Variants in SEC24A observed in about 807,000 individuals in gnomAD.
The protein encoded by SEC24A is SEC24 homolog A, COPII component, also known as protein transport protein Sec24A.
A neutral mutation model predicts 129.4 loss-of-function variants in SEC24A; 93 were observed. The observed-to-expected ratio is 0.72, with a 90% CI of 0.61 to 0.85. SEC24A has a LOEUF of 0.85. Among genes scored for constraint, SEC24A ranks in the 40% least tolerant of loss-of-function variants. The pLI is 0.00. For missense variants in SEC24A, 1,264 were observed against 1,307.4 expected (o/e 0.97, Z 0.51); for synonymous variants, 460 against 467.3 (o/e 0.98, Z 0.20).
intron 2 of SEC24A, among the ~76,000 whole-genome samples, chr5:134,666,169 G>A (rs949777450): frequency 6.6e-6 from 1 of 152,044 alleles, no homozygotes; most frequent in African/African-American, 2.4e-5. Context: ...ACAGGGCAAT[G>A]TATCTACTCT....
At chr5:134,709,582 A>G (rs1336176702) in intron 18 of SEC24A, among the ~76,000 whole-genome samples, 1 of 152,236 alleles carries the variant, frequency 6.6e-6, no homozygotes, top group African/African-American at 2.4e-5. Flanking sequence ...ACGGAAGCAG[A>G]AAGCAGAATG....
chr5:134,704,179 C>T (rs1348016457), intron 16 of SEC24A, among the ~76,000 whole-genome samples: 9 of 152,066 alleles, frequency 5.9e-5, no homozygotes. Context: ...AAGTGATTCT[C>T]CTGCCTCAGC....
chr5:134,673,051 A>ATTTTTTTTTTTTTTTTT (rs375750332), intron 4 of SEC24A, among the ~76,000 whole-genome samples: 1 of 113,678 alleles, frequency 8.8e-6, no homozygotes, highest in Non-Finnish European at 1.7e-5. Flanking sequence ...CCCATTTAGG[A>ATTTTTTTTTTTTTTTTT]TTTTTTTTTT....
Position 134,697,880 on chromosome 5 carries a change from A to AGT in SEC24A, c.2108-12_2108-11dup. ...AATAGTTAACGGCACAGTTTAAAAC[A>AGT]GTGTGTGTTCTCTTCCAGGTTGTAT... On this transcript the variant is annotated intron_variant, in intron 14 of 22. Coordinates refer to ENST00000398844, the MANE Select transcript of SEC24A (RefSeq NM_021982.3). 1 of 1,602,638 alleles carries AGT rather than the reference A, an allele frequency of 6.2e-7. No homozygotes were observed. The highest frequency in any genetic ancestry group is 8.5e-7 in the Non-Finnish European group (1 of 1,176,216).
In SEC24A at chr5:134,686,898, G is replaced by A; in HGVS notation, c.1600G>A (p.Asp534Asn). 1 of 1,566,778 alleles carries A rather than the reference G, an allele frequency of 6.4e-7. No homozygotes were observed. Among genetic ancestry groups the A allele is most frequent in the Non-Finnish European group, 8.7e-7 (1 of 1,144,638 alleles). The change falls in exon 10 of 23, where the codon GAT becomes AAT. Residue 534 changes from aspartate to asparagine, a missense_variant. By Grantham distance (23) the Asp-to-Asn change is conservative. Coordinates refer to ENST00000398844, the MANE Select transcript of SEC24A (RefSeq NM_021982.3). ...SVCQSLLDNLDLLPGNTRTKI... is the reference protein window; with the variant it reads ...SVCQSLLDNLNLLPGNTRTKI... ...TTGCCAGAGTTTGTTAGACAATCTG[G>A]ATTTGTAAGTTTCTCAATTCAGCTT...
chr5:134,702,163 T>G (rs1358035831), intron 15 of SEC24A, among the ~76,000 whole-genome samples: 1 of 152,180 alleles, frequency 6.6e-6, no homozygotes, highest in Non-Finnish European at 1.5e-5. Flanking sequence ...CTCCTTTTTC[T>G]TTCTTTCTTT....
intron 17 of SEC24A, 26 bp from the exon 18 acceptor site, chr5:134,708,679 ATTTCTTTT>A (rs1752233465): frequency 1.3e-6 from 2 of 1,577,864 alleles, no homozygotes; most frequent in Non-Finnish European, 1.7e-6. Flanking sequence ...CTTCTATCAT[ATTTCTTTT>A]TTGTCCTTAC....
At position 134,697,247 on chromosome 5, in the gene SEC24A, G is replaced by T; in HGVS notation, c.2107+1G>T. On this transcript the variant is annotated splice_donor_variant, in intron 14 of 22. Transcript: ENST00000398844. LOFTEE classifies it high-confidence loss of function. ...CAGTATTCTGATTTGGCTTCTCTGG[G>T]TAAGTTCTTCGTAATGATTTTTTTT... 1 of 1,588,926 alleles carries T rather than the reference G, an allele frequency of 6.3e-7. No homozygotes were observed. The highest frequency in any genetic ancestry group is 8.6e-7 in the Non-Finnish European group (1 of 1,163,560).
intron 1 of SEC24A, among the ~76,000 whole-genome samples, chr5:134,653,986 A>G (rs182961802): frequency 3.5e-4 from 53 of 151,942 alleles, no homozygotes; most frequent in Non-Finnish European, 6.2e-4. Flanking sequence ...GGAAGACCCC[A>G]TATCTATAAA....
intron 1 of SEC24A, among the ~76,000 whole-genome samples, chr5:134,653,444 C>T (rs1363154101): frequency 1.3e-5 from 2 of 152,022 alleles, no homozygotes; most frequent in Non-Finnish European, 2.9e-5. Flanking sequence ...GAAAACAGAG[C>T]TGCACTCTGT....
chr5:134,649,276 C>G (rs1484133748), intron 1 of SEC24A, 103 bp downstream of exon 1: 1 of 831,068 alleles, frequency 1.2e-6, no homozygotes, highest in African/African-American at 1.8e-5. Flanking sequence ...GACCTCCTTA[C>G]CGGGTTCTGG....
intron 21 of SEC24A, 64 bp downstream of exon 21, chr5:134,721,154 C>A: frequency 1.1e-6 from 1 of 927,170 alleles, no homozygotes; most frequent in Non-Finnish European, 1.7e-6. Flanking sequence ...CATGAATATC[C>A]CCTATTTTGA....
At position 134,686,902 on chromosome 5, in the gene SEC24A, T is replaced by C; in HGVS notation, c.1604T>C (p.Leu535Ser). The C allele has an allele frequency of 6.5e-7, 1 of 1,538,466 alleles. No individual in the cohort carries two copies. The highest frequency in any genetic ancestry group is 8.9e-7 in the Non-Finnish European group (1 of 1,119,526). The change falls in exon 10 of 23, where the codon TTG (leucine) becomes TCG (serine). Residue 535 changes from leucine (L) to serine (S), a missense_variant and splice_region_variant. By Grantham distance (145) the Leu-to-Ser change is moderately radical. Transcript: ENST00000398844. ...VCQSLLDNLD[L>S]LPGNTRTKIG... ...CAGAGTTTGTTAGACAATCTGGATT[T>C]GTAAGTTTCTCAATTCAGCTTAAAT...
At chr5:134,676,700 GCTGGGATTTATAGGC>G (rs967704360) in intron 7 of SEC24A, among the ~76,000 whole-genome samples, 30 of 152,026 alleles carry the variant, frequency 2.0e-4, no homozygotes, top group African/African-American at 7.0e-4. Context: ...CTCCCAAAGT[GCTGGGATTTATAGGC>G]CTGAGCCACT....
intron 1 of SEC24A, 97 bp downstream of exon 1, chr5:134,649,270 T>A: frequency 1.2e-6 from 1 of 857,494 alleles, no homozygotes; most frequent in Non-Finnish European, 1.7e-6. Flanking sequence ...GAGAGTGACC[T>A]CCTTACCGGG....
Position 134,679,714 on chromosome 5 carries a change from A to G in SEC24A, c.1367A>G (p.Tyr456Cys). ...AGGAGATGGAAGTGTAACTTATGTT[A>G]TCGAGTCAATGATGGTATGGGATGC... ...DQRRWKCNLC[Y>C]RVNDVPEEFL... The change falls in exon 8 of 23, where the codon TAT (tyrosine) becomes TGT (cysteine). Residue 456 changes from tyrosine to cysteine, a missense_variant. Transcript: ENST00000398844. 4.4e-6 allele frequency: 7 copies of G among 1,592,836 alleles called. No individual in the cohort carries two copies. Among genetic ancestry groups the G allele is most frequent in the Middle Eastern group, 1.7e-4 (1 of 5,950 alleles).
chr5:134,708,941 T>C, intron 18 of SEC24A, 53 bp downstream of exon 18: 1 of 1,526,962 alleles, frequency 6.5e-7, no homozygotes, highest in South Asian at 1.2e-5. Flanking sequence ...CACTGTGGCC[T>C]ACACCTGCAA....
chr5:134,649,796 C>T lies in SEC24A; in HGVS notation c.97+623C>T, dbSNP rs539136884. On this transcript the variant is annotated intron_variant, in intron 1 of 22. Coordinates refer to ENST00000398844, the MANE Select transcript of SEC24A (RefSeq NM_021982.3). ...TGGGTGGACACAACTCTCTGAATCT[C>T]TGACAAGAGTCTACATGTACATTAT... 6.1e-4 allele frequency among the ~76,000 whole-genome samples: 93 copies of T among 152,312 alleles called. No homozygotes were observed. In the Middle Eastern group the frequency reaches 0.024, roughly 39 times the overall value.
intron 18 of SEC24A, 76 bp downstream of exon 18, chr5:134,708,964 G>A: frequency 7.0e-7 from 1 of 1,434,654 alleles, no homozygotes; most frequent in Non-Finnish European, 9.6e-7. Flanking sequence ...CCAGCACTTT[G>A]GGTGGCTGAC....
Sources: allele counts gnomAD v4.1 joint callset (sites outside exome capture counted in the v4.1 genomes callset), GRCh38; gene constraint gnomAD v4.1.1; transcripts MANE v1.5; gene names NCBI Gene and HGNC (gene_info 2026-07-23, HGNC 2026-07-21).